The following ZNF106 variants were observed in gnomAD, a reference collection of about 807,000 sequenced individuals.
ZNF106 encodes SH3-domain binding protein 3.
A neutral mutation model predicts 195.1 loss-of-function variants in ZNF106; 67 were observed. That is an observed-to-expected ratio of 0.34 (90% CI 0.28 to 0.42). The LOEUF is 0.42. Ranked by LOEUF, ZNF106 falls within the 10% of genes least tolerant of loss-of-function variation. ZNF106 has a pLI of 1.00. For missense variants in ZNF106, 2,118 were observed against 2,304.5 expected, an observed-to-expected ratio of 0.92 and a Z score of 1.66; for synonymous variants, 784 against 818.6, an observed-to-expected ratio of 0.96 and a Z score of 0.72.
intron 15 of ZNF106, 23 bp downstream of exon 15, chr15:42,427,995 C>A (rs771960081): frequency 1.3e-6 from 2 of 1,591,890 alleles, no homozygotes; most frequent in Non-Finnish European, 1.7e-6. Flanking sequence ...GGGAAGTAAG[C>A]CTTTTCTCCT....
intron 1 of ZNF106, among the ~76,000 whole-genome samples, chr15:42,489,656 G>T (rs1478874788): frequency 6.6e-6 from 1 of 152,094 alleles, no homozygotes. Context: ...TTTCATTCAC[G>T]ACCAAACTTG....
chr15:42,459,098 A>G (rs758732015), intron 3 of ZNF106, among the ~76,000 whole-genome samples: 3 of 152,202 alleles, frequency 2.0e-5, no homozygotes, highest in Non-Finnish European at 2.9e-5. Flanking sequence ...TACCCAGAAT[A>G]TCAATATTCT....
At chr15:42,465,110 A>T (rs1433921065) in intron 3 of ZNF106, among the ~76,000 whole-genome samples, 1 of 152,226 alleles carries the variant, frequency 6.6e-6, no homozygotes, top group Non-Finnish European at 1.5e-5. Flanking sequence ...CATATTGTCC[A>T]GGTTGGTCTT....
Position 42,457,370 on chromosome 15 carries a change from GA to G in ZNF106, c.117-213del, listed in dbSNP as rs1452465516. 35 of 1,418,866 alleles carry G rather than the reference GA, an allele frequency of 2.5e-5. No homozygotes were observed. The Admixed American group carries it at 7.9e-4, about 32-fold the overall frequency. 87.9% of individuals were successfully genotyped at this position (1,418,866 alleles called of 1,614,324 possible). ...TTTAAGATTCTTTTCCAGCAATCAA[GA>G]GGCAATAGACTTCAGATAAATGTCG... On this transcript the variant is annotated intron_variant, in intron 3 of 21. Coordinates refer to ENST00000564754, the MANE Select transcript of ZNF106 (RefSeq NM_001366845.3).
chr15:42,435,462 C>G lies in ZNF106; in HGVS notation c.4803G>C (p.Leu1601=), dbSNP rs141371905. Residue 1601 remains leucine (L), a synonymous_variant, in exon 14 of 22, where the codon CTG becomes CTC. Transcript: ENST00000564754. Reference sequence around the variant, plus strand: ...CATTCTTCCCGGAGGTCTGAGTAACCAGGAGGCAGTTAACTTTGGAGGTAT... The same window carrying G: ...CATTCTTCCCGGAGGTCTGAGTAACGAGGAGGCAGTTAACTTTGGAGGTAT... ...EGHTSKVNCL[L]VTQTSGKNAA... The G allele has an allele frequency of 3.9e-3, 6,328 of 1,614,142 alleles. 16 individuals carry two copies. The highest frequency in any genetic ancestry group is 4.7e-3 in the Non-Finnish European group (5,532 of 1,180,018).
intron 5 of ZNF106, 86 bp downstream of exon 5, chr15:42,449,685 A>G (rs906862508): frequency 4.0e-6 from 6 of 1,495,200 alleles, no homozygotes; most frequent in African/African-American, 1.4e-5. Flanking sequence ...TAATTAAATG[A>G]AACACGTAGA....
chr15:42,472,600 C>T (rs1025847497), intron 1 of ZNF106, among the ~76,000 whole-genome samples: 2 of 152,162 alleles, frequency 1.3e-5, no homozygotes, highest in South Asian at 2.1e-4. Flanking sequence ...TCATCCCACA[C>T]GGCATTACCC....
At chr15:42,487,869 T>A (rs2057051294) in intron 1 of ZNF106, among the ~76,000 whole-genome samples, 1 of 152,188 alleles carries the variant, frequency 6.6e-6, no homozygotes, top group Admixed American at 6.5e-5. Flanking sequence ...CAGAGGATAT[T>A]CTATGCATAT....
chr15:42,424,939 C>T lies in ZNF106; in HGVS notation c.5085G>A (p.Leu1695=), dbSNP rs750593789. The change falls in exon 16 of 22, where the codon CTG becomes CTA. Residue 1695 remains leucine, a synonymous_variant. Coordinates refer to ENST00000564754, the MANE Select transcript of ZNF106 (RefSeq NM_001366845.3). ...TGCAGTCATAAGACCCCACGACCAG[C>T]AGTTTTCGGGCACCTTCCTGAGCTG... The part of the protein sequence containing the change: ...LATAQEGARK[L]LVVGSYDCTI... The T allele has an allele frequency of 3.1e-6, 5 of 1,614,194 alleles. 1 individual carries two copies. In the South Asian group the frequency reaches 4.4e-5, roughly 14 times the overall value.
chr15:42,462,326 G>A (rs923821784), intron 3 of ZNF106, among the ~76,000 whole-genome samples: 11 of 152,162 alleles, frequency 7.2e-5, no homozygotes, highest in African/African-American at 2.4e-4. Flanking sequence ...GGCCAGGCGC[G>A]GTGGCTCACG....
intron 1 of ZNF106, 125 bp downstream of exon 1, chr15:42,490,855 G>C (rs1415141204): frequency 1.3e-5 from 2 of 152,468 alleles, no homozygotes; most frequent in African/African-American, 4.8e-5. Context: ...GGTTGCCCCT[G>C]AGCCGCAGCC....
At chr15:42,440,034 C>T (rs1200740954) in intron 10 of ZNF106, among the ~76,000 whole-genome samples, 1 of 152,168 alleles carries the variant, frequency 6.6e-6, no homozygotes, top group African/African-American at 2.4e-5. Flanking sequence ...TGTCTTATTC[C>T]CTACAAAAGC....
At chr15:42,421,692 T>C (rs1160898061) in intron 19 of ZNF106, among the ~76,000 whole-genome samples, 1 of 152,222 alleles carries the variant, frequency 6.6e-6, no homozygotes, top group African/African-American at 2.4e-5. Context: ...ATTTACCTTC[T>C]ATTAAACTGT....
intron 17 of ZNF106, among the ~76,000 whole-genome samples, chr15:42,423,155 C>T (rs2054730332): frequency 6.6e-6 from 1 of 151,846 alleles, no homozygotes; most frequent in South Asian, 2.1e-4. Context: ...ATTACTTGAG[C>T]TCAGGAGTTC....
intron 7 of ZNF106, 54 bp from the exon 8 acceptor site, chr15:42,445,035 A>C: frequency 6.2e-7 from 1 of 1,602,088 alleles, no homozygotes; most frequent in Non-Finnish European, 8.5e-7. Flanking sequence ...CCCTCTCATC[A>C]CACAGCTCAG....
intron 1 of ZNF106, among the ~76,000 whole-genome samples, chr15:42,485,263 TAGAA>T (rs990597850): frequency 6.6e-6 from 1 of 152,170 alleles, no homozygotes; most frequent in Non-Finnish European, 1.5e-5. Context: ...TCTGGGACAT[TAGAA>T]AGTGATGCAA....
At chr15:42,421,617 T>C (rs2054660792) in intron 19 of ZNF106, among the ~76,000 whole-genome samples, 1 of 152,212 alleles carries the variant, frequency 6.6e-6, no homozygotes, top group African/African-American at 2.4e-5. Context: ...CCTGACTCCA[T>C]TCCAGTGTTC....
intron 18 of ZNF106, 122 bp from the exon 19 acceptor site, chr15:42,422,110 A>G (rs559219589): frequency 1.0e-5 from 7 of 699,018 alleles, no homozygotes; most frequent in African/African-American, 3.6e-5. Context: ...AAGCACCAGT[A>G]GCATTCTAAC....
chr15:42,429,986 G>A (rs2054995489), intron 14 of ZNF106, among the ~76,000 whole-genome samples: 1 of 152,056 alleles, frequency 6.6e-6, no homozygotes, highest in South Asian at 2.1e-4. Flanking sequence ...TTATGCCCAG[G>A]GAGGCATTTG....
Sources: allele counts gnomAD v4.1 joint callset (sites outside exome capture counted in the v4.1 genomes callset), GRCh38; gene constraint gnomAD v4.1.1; transcripts MANE v1.5; gene names NCBI Gene and HGNC (gene_info 2026-07-23, HGNC 2026-07-21).